Variants in ANKFN1 observed in about 807,000 individuals in gnomAD.
ANKFN1 encodes the protein ankyrin repeat and fibronectin type III domain containing 1.
In ANKFN1, 74 loss-of-function variants were observed where a neutral mutation model predicts 108.7. The ratio of observed to expected loss-of-function variants is 0.68; its 90% CI spans 0.56 to 0.83. ANKFN1 has a LOEUF of 0.83. ANKFN1 is among the 40% of genes least tolerant of loss of function. The pLI is 0.00. For missense variants in ANKFN1, 1,505 were observed against 1,382.3 expected (o/e 1.09, Z -1.41); for synonymous variants, 547 against 516.2 (o/e 1.06, Z -0.81).
intron 2 of ANKFN1, among the ~76,000 whole-genome samples, chr17:56,217,600 G>A (rs1915514012): frequency 6.6e-6 from 1 of 152,098 alleles, no homozygotes; most frequent in African/African-American, 2.4e-5. Flanking sequence ...ATCCTACAAT[G>A]CACAGAACAG....
chr17:56,181,436 G>A (rs991119918), intron 1 of ANKFN1, among the ~76,000 whole-genome samples: 2 of 152,132 alleles, frequency 1.3e-5, no homozygotes, highest in Non-Finnish European at 1.5e-5. Context: ...AACCTGACAA[G>A]GAAGGCACTG....
intron 14 of ANKFN1, among the ~76,000 whole-genome samples, chr17:56,460,184 A>G (rs980456040): frequency 3.9e-5 from 6 of 152,106 alleles, no homozygotes; most frequent in Non-Finnish European, 1.5e-5. Context: ...CTGTAAAGCA[A>G]CTATTTTAAA....
chr17:56,319,700 C>T (rs1478094665), intron 3 of ANKFN1, among the ~76,000 whole-genome samples: 3 of 152,076 alleles, frequency 2.0e-5, no homozygotes, highest in African/African-American at 7.2e-5. Context: ...TGTGCTGGCT[C>T]CTTTTAAAGA....
At chr17:56,482,684 C>A in intron 18 of ANKFN1, 160 bp downstream of exon 18, 1 of 791,898 alleles carries the variant, frequency 1.3e-6, no homozygotes, top group Admixed American at 3.2e-5. Flanking sequence ...TGAGAAAAAG[C>A]AAAGCTCCAA....
At chr17:56,286,567 G>A (rs2044222256) in intron 3 of ANKFN1, among the ~76,000 whole-genome samples, 1 of 152,108 alleles carries the variant, frequency 6.6e-6, no homozygotes, top group Admixed American at 6.5e-5. Flanking sequence ...CCCATACATG[G>A]CCTCTCCATG....
At chr17:56,240,742 G>A (rs1374369823) in intron 3 of ANKFN1, among the ~76,000 whole-genome samples, 2 of 152,022 alleles carry the variant, frequency 1.3e-5, no homozygotes, top group Non-Finnish European at 2.9e-5. Flanking sequence ...GTAAAATGGT[G>A]TGTCATTTTT....
intron 4 of ANKFN1, among the ~76,000 whole-genome samples, chr17:56,088,715 T>C (rs1905359322): frequency 6.6e-6 from 1 of 151,180 alleles, no homozygotes; most frequent in Admixed American, 6.6e-5. Flanking sequence ...TTACTGTGAT[T>C]CCTCCTTACA....
intron 3 of ANKFN1, among the ~76,000 whole-genome samples, chr17:56,305,047 G>C (rs62073050): frequency 0.067 from 10,249 of 152,174 alleles, 601 homozygotes; most frequent in African/African-American, 0.15. Context: ...TTGACTCATA[G>C]TTCTGCAGGG....
At chr17:56,187,129 A>G (rs1251220121) in intron 1 of ANKFN1, among the ~76,000 whole-genome samples, 2 of 152,210 alleles carry the variant, frequency 1.3e-5, no homozygotes, top group African/African-American at 4.8e-5. Flanking sequence ...AAAAGAAACT[A>G]CCATCAGAGT....
intron 4 of ANKFN1, among the ~76,000 whole-genome samples, chr17:56,335,515 C>T (rs997539374): frequency 6.6e-6 from 1 of 151,894 alleles, no homozygotes; most frequent in Non-Finnish European, 1.5e-5. Context: ...ATTTGGCTCT[C>T]TGTTTGTTAT....
At chr17:56,410,531 G>C (rs2048061266) in intron 8 of ANKFN1, among the ~76,000 whole-genome samples, 3 of 152,020 alleles carry the variant, frequency 2.0e-5, no homozygotes, top group Admixed American at 2.0e-4. Flanking sequence ...ATTGTTTTGT[G>C]GTGAGGACAT....
At chr17:56,444,005 C>T (rs971974848) in intron 10 of ANKFN1, among the ~76,000 whole-genome samples, 1 of 152,156 alleles carries the variant, frequency 6.6e-6, no homozygotes, top group Non-Finnish European at 1.5e-5. Flanking sequence ...CATAATTCTA[C>T]GTCTAGGACT....
chr17:56,270,521 C>A (rs144048837), intron 3 of ANKFN1, among the ~76,000 whole-genome samples: 1 of 152,348 alleles, frequency 6.6e-6, no homozygotes, highest in East Asian at 1.9e-4. Context: ...ATCCTGGCAA[C>A]CCCCTCCTAG....
chr17:56,506,078 T>A (rs2051551208), intron 20 of ANKFN1, among the ~76,000 whole-genome samples: 1 of 152,198 alleles, frequency 6.6e-6, no homozygotes, highest in Non-Finnish European at 1.5e-5. Flanking sequence ...TGTTTTTTAT[T>A]ATACTTTAAG....
chr17:56,319,786 C>G (rs1471964948), intron 3 of ANKFN1, among the ~76,000 whole-genome samples: 1 of 152,154 alleles, frequency 6.6e-6, no homozygotes, highest in African/African-American at 2.4e-5. Flanking sequence ...TAATGCTTAT[C>G]AGAGCTGATC....
chr17:56,144,407 A>T (rs1459913722), intron 4 of ANKFN1, among the ~76,000 whole-genome samples: 2 of 151,932 alleles, frequency 1.3e-5, no homozygotes, highest in African/African-American at 2.4e-5. Context: ...TCCATGCACC[A>T]GTCTACACAG....
At chr17:56,336,712 T>A (rs1202888572) in intron 4 of ANKFN1, among the ~76,000 whole-genome samples, 2 of 152,120 alleles carry the variant, frequency 1.3e-5, no homozygotes, top group Non-Finnish European at 2.9e-5. Context: ...TTTGTGTCTC[T>A]ATCTCCTTCA....
intron 4 of ANKFN1, among the ~76,000 whole-genome samples, chr17:56,127,373 G>T (rs1004566572): frequency 6.6e-6 from 1 of 152,062 alleles, no homozygotes; most frequent in Admixed American, 6.6e-5. Context: ...GACTGCAGTG[G>T]CACGGTCTCC....
At chr17:56,269,906 C>G (rs28378819) in intron 3 of ANKFN1, among the ~76,000 whole-genome samples, 1 of 152,084 alleles carries the variant, frequency 6.6e-6, no homozygotes, top group Non-Finnish European at 1.5e-5. Context: ...CCTTGTGTTT[C>G]ATTTTTAAAC....
Sources: allele counts gnomAD v4.1 joint callset (sites outside exome capture counted in the v4.1 genomes callset), GRCh38; gene constraint gnomAD v4.1.1; transcripts MANE v1.5; gene names NCBI Gene and HGNC (gene_info 2026-07-23, HGNC 2026-07-21).